The following TMIGD3 variants were observed in gnomAD, a reference collection of about 807,000 sequenced individuals.
TMIGD3 encodes AD026 protein (AD026).
A neutral mutation model predicts 28.1 loss-of-function variants in TMIGD3; 21 were observed. The ratio of observed to expected loss-of-function variants is 0.75; its 90% CI spans 0.53 to 1.08. The LOEUF (loss-of-function observed/expected upper bound fraction) is 1.08. Ranked by LOEUF, TMIGD3 falls within the 50% of genes least tolerant of loss-of-function variation. The pLI, the probability that TMIGD3 is intolerant of heterozygous loss-of-function variation, is 0.00. For missense variants in TMIGD3, 416 were observed against 435.6 expected (o/e 0.96, Z 0.40); for synonymous variants, 151 against 162.1 (o/e 0.93, Z 0.52).
intron 1 of TMIGD3, among the ~76,000 whole-genome samples, chr1:111,511,288 C>T (rs1655679191): frequency 6.6e-6 from 1 of 152,158 alleles, no homozygotes; most frequent in South Asian, 2.1e-4. Flanking sequence ...CTCCCACTTC[C>T]CTTCTCCCCA....
At chr1:111,515,026 G>A (rs187875585) in intron 1 of TMIGD3, among the ~76,000 whole-genome samples, 2 of 152,290 alleles carry the variant, frequency 1.3e-5, no homozygotes, top group East Asian at 1.9e-4. Flanking sequence ...ATGCCCAGCC[G>A]CCTGTGTTAC....
At chr1:111,538,920 T>G (rs529221875) in intron 1 of TMIGD3, among the ~76,000 whole-genome samples, 11 of 152,322 alleles carry the variant, frequency 7.2e-5, no homozygotes, top group Middle Eastern at 3.4e-3. Context: ...CTATTACATG[T>G]GATGCTTACA....
intron 1 of TMIGD3, among the ~76,000 whole-genome samples, chr1:111,523,128 A>T (rs555827901): frequency 2.6e-5 from 4 of 152,328 alleles, no homozygotes; most frequent in Admixed American, 2.6e-4. Context: ...TTTTTCACAG[A>T]TGCCTTATAT....
chr1:111,555,586 A>T (rs1657456841), intron 1 of TMIGD3, among the ~76,000 whole-genome samples: 1 of 152,072 alleles, frequency 6.6e-6, no homozygotes, highest in South Asian at 2.1e-4. Flanking sequence ...AAATATTAAG[A>T]AACATGGAGA....
intron 1 of TMIGD3, among the ~76,000 whole-genome samples, chr1:111,524,580 A>C (rs1277018219): frequency 6.6e-6 from 1 of 151,548 alleles, no homozygotes; most frequent in Non-Finnish European, 1.5e-5. Context: ...TTTTTACTTT[A>C]CTCTTATTTA....
intron 1 of TMIGD3, among the ~76,000 whole-genome samples, chr1:111,562,175 T>G (rs1657767628): frequency 6.6e-6 from 1 of 152,176 alleles, no homozygotes; most frequent in Non-Finnish European, 1.5e-5. Flanking sequence ...TTAGCTATTC[T>G]TCAGATACGC....
At chr1:111,549,309 C>CTTTTTTTT in intron 1 of TMIGD3, among the ~76,000 whole-genome samples, 1 of 125,612 alleles carries the variant, frequency 8.0e-6, no homozygotes, top group Admixed American at 7.9e-5. Flanking sequence ...CAGTCATGGG[C>CTTTTTTTT]TTTTTTTTTT....
At chr1:111,489,248 T>C (rs1369358908) in intron 2 of TMIGD3, among the ~76,000 whole-genome samples, 1 of 152,226 alleles carries the variant, frequency 6.6e-6, no homozygotes, top group Non-Finnish European at 1.5e-5. Flanking sequence ...TGTATTTGGA[T>C]ATAAGGCCTT....
At chr1:111,511,927 G>T (rs565999787) in intron 1 of TMIGD3, among the ~76,000 whole-genome samples, 1 of 152,240 alleles carries the variant, frequency 6.6e-6, no homozygotes, top group Admixed American at 6.5e-5. Context: ...TTCATGATGG[G>T]GTTTTTAGGA....
chr1:111,532,362 C>T (rs1303180104), intron 1 of TMIGD3, among the ~76,000 whole-genome samples: 4 of 152,232 alleles, frequency 2.6e-5, no homozygotes, highest in South Asian at 4.1e-4. Flanking sequence ...GAAAACATGC[C>T]GTGCCCTAAA....
At chr1:111,551,542 C>T (rs1194537043) in intron 1 of TMIGD3, among the ~76,000 whole-genome samples, 1 of 152,080 alleles carries the variant, frequency 6.6e-6, no homozygotes, top group Non-Finnish European at 1.5e-5. Flanking sequence ...TTGCTTTATG[C>T]TGTTACTGTC....
chr1:111,502,034 T>C (rs1655204748), intron 1 of TMIGD3, among the ~76,000 whole-genome samples: 2 of 141,704 alleles, frequency 1.4e-5, no homozygotes, highest in African/African-American at 5.2e-5. Context: ...ATATTATATA[T>C]AGGATATATA....
At chr1:111,560,435 C>G (rs1183441139) in intron 1 of TMIGD3, among the ~76,000 whole-genome samples, 1 of 126,892 alleles carries the variant, frequency 7.9e-6, no homozygotes, top group African/African-American at 3.8e-5. Flanking sequence ...CTTTGTGGAA[C>G]AGATTGAAAG....
At chr1:111,528,952 G>C (rs892056031) in intron 1 of TMIGD3, among the ~76,000 whole-genome samples, 1 of 151,822 alleles carries the variant, frequency 6.6e-6, no homozygotes, top group African/African-American at 2.4e-5. Context: ...CATGTCATTT[G>C]CAAAAACAGA....
chr1:111,533,575 G>T (rs987452076), intron 1 of TMIGD3, among the ~76,000 whole-genome samples: 1 of 151,810 alleles, frequency 6.6e-6, no homozygotes, highest in Non-Finnish European at 1.5e-5. Context: ...TATTTTTGAG[G>T]CAGGGTCTCA....
intron 1 of TMIGD3, among the ~76,000 whole-genome samples, chr1:111,502,138 A>ATAATAAATATATAGGATATATATTTAT (rs1655229357): frequency 2.0e-4 from 6 of 29,432 alleles, no homozygotes; most frequent in Non-Finnish European, 4.3e-4. Context: ...TATATATTTA[A>ATAATAAATATATAGGATATATATTTAT]TATAATAAAT....
chr1:111,498,912 C>A (rs913556192), intron 1 of TMIGD3, among the ~76,000 whole-genome samples: 3 of 151,366 alleles, frequency 2.0e-5, no homozygotes, highest in Admixed American at 1.3e-4. Context: ...CATAAAGAGA[C>A]CTTGTCTATA....
At chr1:111,503,838 T>G, upstream of TMIGD3, 1 of 998,486 alleles carries the variant, frequency 1.0e-6, no homozygotes, top group Non-Finnish European at 1.2e-6. Context: ...ATGAGTGGCA[T>G]AGAGAAGGCT....
intron 1 of TMIGD3, among the ~76,000 whole-genome samples, chr1:111,541,656 C>A (rs1234609461): frequency 6.8e-6 from 1 of 147,650 alleles, no homozygotes; most frequent in East Asian, 2.0e-4. Flanking sequence ...AAAGAGGTAA[C>A]AAGGAAAATG....
Sources: allele counts gnomAD v4.1 joint callset (sites outside exome capture counted in the v4.1 genomes callset), GRCh38; gene constraint gnomAD v4.1.1; transcripts MANE v1.5; gene names NCBI Gene and HGNC (gene_info 2026-07-23, HGNC 2026-07-21).